CPO: variants seen among roughly 807,000 people sequenced by gnomAD.
CPO encodes the protein metallocarboxypeptidase C.
CPO carries 43 observed loss-of-function variants against 41.2 expected under a neutral mutation model. That is an observed-to-expected ratio of 1.04 (90% CI 0.82 to 1.35). The LOEUF (loss-of-function observed/expected upper bound fraction) is 1.35, where lower values mean the gene tolerates loss of function less well. CPO is among the 40% of genes most tolerant of loss of function. The pLI is 0.00. For synonymous variants in CPO, 178 were observed against 162.7 expected, an observed-to-expected ratio of 1.09 and a Z score of -0.72; for missense variants, 408 against 451.7, an observed-to-expected ratio of 0.90 and a Z score of 0.88.
chr2:206,962,138 C>T (rs1235477555), intron 6 of CPO, among the ~76,000 whole-genome samples: 6 of 151,820 alleles, frequency 4.0e-5, no homozygotes, highest in Non-Finnish European at 8.8e-5. Context: ...TACTAAAATG[C>T]CATTTCATTT....
In CPO at chr2:206,956,401, A is replaced by AATC. The variant is rs200242515; in HGVS notation, c.267+851_267+853dup. 4.5e-3 allele frequency among the ~76,000 whole-genome samples: 675 copies of AATC among 148,642 alleles called. 9 individuals are homozygous for AATC. Among genetic ancestry groups the AATC allele is most frequent in the Non-Finnish European group, 5.1e-3 (335 of 66,228 alleles). On this transcript the variant is annotated intron_variant, in intron 3 of 8. Transcript: ENST00000272852. ...AGTGGTTTTCAAAGGGCAGCACTTA[A>AATC]ATCATCATCATCATCAGCAGCAGCA... is the stretch of plus-strand genomic sequence containing the variant.
intron 2 of CPO, among the ~76,000 whole-genome samples, 157 bp downstream of exon 2, chr2:206,949,870 C>G (rs1266348207): frequency 6.6e-6 from 1 of 152,164 alleles, no homozygotes; most frequent in Non-Finnish European, 1.5e-5. Flanking sequence ...CTGAACATCT[C>G]CCCACCCGCC....
At chr2:206,942,033 G>C (rs1347586806) in intron 1 of CPO, among the ~76,000 whole-genome samples, 1 of 151,902 alleles carries the variant, frequency 6.6e-6, no homozygotes, top group Admixed American at 6.6e-5. Context: ...ATTATCTCTA[G>C]AATTATTTAT....
chr2:206,961,081 C>T (rs1693470296), intron 6 of CPO, 139 bp downstream of exon 6: 2 of 653,882 alleles, frequency 3.1e-6, no homozygotes, highest in Admixed American at 5.0e-5. Flanking sequence ...AGTTTTATTC[C>T]CTCTAACAGG....
intron 2 of CPO, among the ~76,000 whole-genome samples, chr2:206,954,117 A>G (rs1693315673): frequency 1.3e-5 from 2 of 152,184 alleles, no homozygotes; most frequent in South Asian, 2.1e-4. Flanking sequence ...GGTCTCTCAC[A>G]TGCCCTGGAG....
In CPO at chr2:206,939,545, A is replaced by G; in HGVS notation, c.-55A>G. ...AGTCTTGATGCATTCATTCTCAAGG[A>G]CACTTGATCCACTGCCAGAGAGGCC... On this transcript the variant is annotated 5_prime_UTR_variant, in exon 1 of 9. Coordinates refer to ENST00000272852, the MANE Select transcript of CPO (RefSeq NM_173077.3). The G allele has an allele frequency of 7.1e-7, 1 of 1,399,080 alleles. No individual in the cohort carries two copies. Among genetic ancestry groups the G allele is most frequent in the Non-Finnish European group, 1.0e-6 (1 of 987,098 alleles). 86.7% of individuals were successfully genotyped at this position (1,399,080 alleles called of 1,614,324 possible).
chr2:206,956,719 T>C (rs1191051923), intron 3 of CPO, among the ~76,000 whole-genome samples: 1 of 152,234 alleles, frequency 6.6e-6, no homozygotes, highest in African/African-American at 2.4e-5. Flanking sequence ...TAAAGTAGTA[T>C]GGCATTAAGA....
chr2:206,956,854 T>A (rs1416274975), intron 3 of CPO, among the ~76,000 whole-genome samples: 1 of 152,176 alleles, frequency 6.6e-6, no homozygotes, highest in African/African-American at 2.4e-5. Context: ...AAATGGAATT[T>A]ACCCAGGGAT....
intron 8 of CPO, among the ~76,000 whole-genome samples, 154 bp from the exon 9 acceptor site, chr2:206,969,020 A>C (rs1324952195): frequency 6.6e-6 from 1 of 152,224 alleles, no homozygotes; most frequent in Non-Finnish European, 1.5e-5. Context: ...AGGGGCTTAC[A>C]ACCAAGAAGA....
Position 206,969,441 on chromosome 2 carries a change from A to G in CPO, c.*5A>G. 2 of 1,613,898 alleles carry G rather than the reference A, an allele frequency of 1.2e-6. No homozygotes were observed. Among genetic ancestry groups the G allele is most frequent in the Non-Finnish European group, 1.7e-6 (2 of 1,179,864 alleles). ...TCCTGCATGTCTCTTCTCTAAGTGC[A>G]TTCTGCCCAGGCCTGCTCAACCCCA... On this transcript the variant is annotated 3_prime_UTR_variant, in exon 9 of 9. Coordinates refer to ENST00000272852, the MANE Select transcript of CPO (RefSeq NM_173077.3).
intron 2 of CPO, among the ~76,000 whole-genome samples, chr2:206,955,033 C>A (rs1260281480): frequency 1.3e-5 from 2 of 152,148 alleles, no homozygotes; most frequent in African/African-American, 2.4e-5. Context: ...CCCAGCCAAA[C>A]CATATCACAT....
At chr2:206,966,200 G>GA (rs34868963) in intron 7 of CPO, among the ~76,000 whole-genome samples, 9,442 of 139,552 alleles carry the variant, frequency 0.068, 427 homozygotes, top group Admixed American at 0.15. Flanking sequence ...CTGGCAATGT[G>GA]AAAAAAAAAA....
chr2:206,948,600 CAAAAATT>C (rs1263700705), intron 1 of CPO, among the ~76,000 whole-genome samples: 2 of 152,022 alleles, frequency 1.3e-5, no homozygotes, highest in Non-Finnish European at 2.9e-5. Context: ...CTTGTCTCTA[CAAAAATT>C]AAAAATTAGC....
intron 1 of CPO, among the ~76,000 whole-genome samples, chr2:206,949,023 C>G (rs1437617583): frequency 3.3e-5 from 5 of 150,716 alleles, no homozygotes; most frequent in South Asian, 2.1e-4. Flanking sequence ...TTATGTGAAC[C>G]TAAAAGTGTG....
At chr2:206,965,881 T>C (rs1693566395) in intron 7 of CPO, among the ~76,000 whole-genome samples, 1 of 152,126 alleles carries the variant, frequency 6.6e-6, no homozygotes, top group Non-Finnish European at 1.5e-5. Flanking sequence ...TGCAATGTAG[T>C]GTCGAAGGAG....
intron 3 of CPO, among the ~76,000 whole-genome samples, chr2:206,955,968 A>G (rs1380465091): frequency 2.6e-5 from 4 of 152,160 alleles, no homozygotes. Flanking sequence ...ACCACAGATA[A>G]TCTTCATTTT....
At chr2:206,947,519 G>A (rs1693168680) in intron 1 of CPO, among the ~76,000 whole-genome samples, 2 of 152,086 alleles carry the variant, frequency 1.3e-5, no homozygotes, top group African/African-American at 4.8e-5. Flanking sequence ...CAACACACAT[G>A]GCACAATCCT....
At chr2:206,949,532 T>C in intron 1 of CPO, 85 bp from the exon 2 acceptor site, 1 of 917,266 alleles carries the variant, frequency 1.1e-6, no homozygotes, top group Admixed American at 1.8e-5. Flanking sequence ...GCACACTGAT[T>C]CTACTACCTT....
chr2:206,953,907 G>A (rs907441916), intron 2 of CPO, among the ~76,000 whole-genome samples: 4 of 152,214 alleles, frequency 2.6e-5, no homozygotes, highest in African/African-American at 4.8e-5. Flanking sequence ...CTATGGGGAA[G>A]CTGCCAAGGC....
Sources: allele counts gnomAD v4.1 joint callset (sites outside exome capture counted in the v4.1 genomes callset), GRCh38; gene constraint gnomAD v4.1.1; transcripts MANE v1.5; gene names NCBI Gene and HGNC (gene_info 2026-07-23, HGNC 2026-07-21).